GAB1: variants seen among roughly 807,000 people sequenced by gnomAD.
GAB1 encodes the protein GRB2 associated binding protein 1.
In GAB1, 19 loss-of-function variants were observed where a neutral mutation model predicts 66.5. The ratio of observed to expected loss-of-function variants is 0.29; its 90% CI spans 0.20 to 0.42. The LOEUF (loss-of-function observed/expected upper bound fraction) is 0.42. GAB1 is among the 10% of genes least tolerant of loss of function. GAB1 has a pLI of 1.00. For missense variants in GAB1, 732 were observed against 858.5 expected (o/e 0.85, Z 1.84); for synonymous variants, 294 against 301.4 (o/e 0.98, Z 0.25).
chr4:143,440,801 A>C (rs28925910), intron 6 of GAB1, among the ~76,000 whole-genome samples: 1 of 152,224 alleles, frequency 6.6e-6, no homozygotes, highest in African/African-American at 2.4e-5. Flanking sequence ...TTCAGATTTT[A>C]TATGTATTAT....
At position 143,415,446 on chromosome 4, in the gene GAB1, T is replaced by C. The variant is rs141007279; in HGVS notation, c.73-31T>C. The C allele has an allele frequency of 2.9e-5, 44 of 1,527,898 alleles. No individual in the cohort carries two copies. In the African/African-American group the frequency reaches 4.0e-4, roughly 14 times the overall value. The allele number at this position is 1,527,898 out of a possible 1,614,324, so 94.6% of individuals were successfully genotyped here. ...TCTTGAAAACATTATCTCAAGTTAA[T>C]ACTGAATGGATATTTTTGTTTTGTT... On this transcript the variant is annotated intron_variant, in intron 1 of 9. Transcript: ENST00000262994.
chr4:143,465,950 A>T, intron 8 of GAB1, 153 bp from the exon 9 acceptor site: 1 of 727,030 alleles, frequency 1.4e-6, no homozygotes, highest in Non-Finnish European at 2.2e-6. Context: ...TTTTTTAAAT[A>T]TTACTTATTT....
intron 3 of GAB1, among the ~76,000 whole-genome samples, chr4:143,434,366 C>CT (rs11389050): frequency 0.29 from 39,730 of 137,454 alleles, 5,829 homozygotes; most frequent in Non-Finnish European, 0.34. Flanking sequence ...TTTTATTTAT[C>CT]TTTTTTTTTT....
At chr4:143,338,401 GGT>G (rs2149638457) in intron 1 of GAB1, among the ~76,000 whole-genome samples, 1 of 152,346 alleles carries the variant, frequency 6.6e-6, no homozygotes, top group African/African-American at 2.4e-5. Flanking sequence ...TTAGAGCTCA[GGT>G]TAATCCTGTT....
At position 143,371,052 on chromosome 4, in the gene GAB1, G is replaced by C. The variant is rs1730100175; in HGVS notation, c.72+33792G>C. Among the ~76,000 whole-genome samples, 3 of 152,018 alleles carry C rather than the reference G, an allele frequency of 2.0e-5. No homozygotes were observed. The South Asian group carries it at 6.2e-4, about 32-fold the overall frequency. ...ATAGCAGCATGATTTATATTCCTTT[G>C]GGTATATACCCAGTAATGGGATGGC... is the stretch of plus-strand genomic sequence containing the variant. On this transcript the variant is annotated intron_variant, in intron 1 of 9. Transcript: ENST00000262994.
chr4:143,362,799 C>CTCCT (rs1164008854), intron 1 of GAB1, among the ~76,000 whole-genome samples: 1 of 152,134 alleles, frequency 6.6e-6, no homozygotes. Flanking sequence ...TTGTGCCCAC[C>CTCCT]TCCTATCTCA....
chr4:143,355,940 G>A (rs1369608829), intron 1 of GAB1, among the ~76,000 whole-genome samples: 2 of 152,108 alleles, frequency 1.3e-5, no homozygotes, highest in Non-Finnish European at 2.9e-5. Context: ...GGAGTGCGAG[G>A]TGTTGAGATT....
At chr4:143,437,640 A>C in intron 3 of GAB1, among the ~76,000 whole-genome samples, 1 of 152,148 alleles carries the variant, frequency 6.6e-6, no homozygotes, top group East Asian at 1.9e-4. Context: ...CTTCAGAGGA[A>C]ATGCTTTTCC....
chr4:143,412,392 G>A (rs1578675119), intron 1 of GAB1, among the ~76,000 whole-genome samples: 1 of 152,118 alleles, frequency 6.6e-6, no homozygotes, highest in East Asian at 1.9e-4. Context: ...CTTCATTGTG[G>A]CCCATGTATC....
intron 1 of GAB1, among the ~76,000 whole-genome samples, chr4:143,364,646 A>G (rs906533923): frequency 1.3e-5 from 2 of 152,092 alleles, no homozygotes; most frequent in African/African-American, 2.4e-5. Flanking sequence ...GCCTCATCCT[A>G]TGCGTGCTCA....
At chr4:143,388,383 A>G (rs1033146557) in intron 1 of GAB1, among the ~76,000 whole-genome samples, 10 of 152,032 alleles carry the variant, frequency 6.6e-5, no homozygotes, top group Non-Finnish European at 1.5e-4. Context: ...GTAACTTAAC[A>G]CCTGGAGGAA....
At chr4:143,410,747 C>T (rs549156334) in intron 1 of GAB1, among the ~76,000 whole-genome samples, 2 of 152,326 alleles carry the variant, frequency 1.3e-5, no homozygotes, top group African/African-American at 2.4e-5. Context: ...CTGGGCAGAT[C>T]GCAGTTATAT....
chr4:143,467,626 T>G (rs907120486), intron 9 of GAB1, among the ~76,000 whole-genome samples: 1 of 152,226 alleles, frequency 6.6e-6, no homozygotes, highest in African/African-American at 2.4e-5. Context: ...TTATATATTT[T>G]TATTGCAACC....
intron 5 of GAB1, 51 bp from the exon 6 acceptor site, chr4:143,440,028 C>A: frequency 1.3e-6 from 2 of 1,527,578 alleles, no homozygotes; most frequent in Non-Finnish European, 1.8e-6. Flanking sequence ...ATTGTGTTTT[C>A]ATGTGTGACA....
At chr4:143,379,512 G>A (rs1016754705) in intron 1 of GAB1, among the ~76,000 whole-genome samples, 14 of 152,150 alleles carry the variant, frequency 9.2e-5, no homozygotes, top group African/African-American at 3.4e-4. Context: ...ATAAAGGTTA[G>A]AAATGAAATA....
At chr4:143,397,321 C>T (rs983811509) in intron 1 of GAB1, among the ~76,000 whole-genome samples, 3 of 152,160 alleles carry the variant, frequency 2.0e-5, no homozygotes, top group African/African-American at 4.8e-5. Context: ...CTTGTATAAA[C>T]TTAATTCTTT....
chr4:143,415,376 C>G, intron 1 of GAB1, 101 bp from the exon 2 acceptor site: 1 of 929,286 alleles, frequency 1.1e-6, no homozygotes, highest in East Asian at 2.6e-5. Flanking sequence ...TTGTGACTTT[C>G]TCTAAACAAT....
intron 1 of GAB1, among the ~76,000 whole-genome samples, chr4:143,370,670 G>A (rs943240013): frequency 6.6e-6 from 1 of 152,042 alleles, no homozygotes. Flanking sequence ...TTTACATTAG[G>A]TATATCTCCT....
intron 1 of GAB1, among the ~76,000 whole-genome samples, chr4:143,388,808 CTATT>C (rs907982663): frequency 3.3e-5 from 5 of 152,158 alleles, no homozygotes; most frequent in Non-Finnish European, 5.9e-5. Flanking sequence ...AAAAAAAAAT[CTATT>C]TAACTGTTTT....
Sources: allele counts gnomAD v4.1 joint callset (sites outside exome capture counted in the v4.1 genomes callset), GRCh38; gene constraint gnomAD v4.1.1; transcripts MANE v1.5; gene names NCBI Gene and HGNC (gene_info 2026-07-23, HGNC 2026-07-21).